Variants in EYA1 observed in about 807,000 individuals in gnomAD.
EYA1 encodes EYA transcriptional coactivator and phosphatase 1.
Under a neutral mutation model 82.0 loss-of-function variants are expected in EYA1, and 16 were observed. The observed-to-expected ratio is 0.20, with a 90% CI of 0.13 to 0.30. The LOEUF (loss-of-function observed/expected upper bound fraction) is 0.30, where lower values mean the gene tolerates loss of function less well. Among genes scored for constraint, EYA1 ranks in the 10% least tolerant of loss-of-function variants. The pLI is 1.00. For missense variants in EYA1, 633 were observed against 730.7 expected (o/e 0.87, Z 1.54); for synonymous variants, 261 against 264.4 (o/e 0.99, Z 0.12).
At chr8:71,367,826 G>C (rs1445409) in intron 2 of EYA1, among the ~76,000 whole-genome samples, 11,090 of 152,160 alleles carry the variant, frequency 0.073, 539 homozygotes, top group Middle Eastern at 0.16. Context: ...TATGGTGTGA[G>C]GGTTAAAAAG....
intron 12 of EYA1, among the ~76,000 whole-genome samples, chr8:71,243,541 T>C (rs1812735324): frequency 6.6e-6 from 1 of 152,312 alleles, no homozygotes; most frequent in East Asian, 1.9e-4. Context: ...AAATAAAGCA[T>C]ATTTAATAAC....
At chr8:71,242,671 T>C (rs1340407461) in intron 12 of EYA1, among the ~76,000 whole-genome samples, 1 of 152,124 alleles carries the variant, frequency 6.6e-6, no homozygotes, top group African/African-American at 2.4e-5. Flanking sequence ...TACATTGAAA[T>C]TGAGTTTGGA....
intron 2 of EYA1, among the ~76,000 whole-genome samples, chr8:71,381,749 C>T (rs957655728): frequency 3.3e-5 from 5 of 152,216 alleles, no homozygotes; most frequent in African/African-American, 1.2e-4. Flanking sequence ...CTTAGAGGGA[C>T]TGCAAAGAAA....
intron 7 of EYA1, among the ~76,000 whole-genome samples, chr8:71,308,719 G>GA (rs539957352): frequency 0.06 from 6,461 of 106,970 alleles, 262 homozygotes; most frequent in East Asian, 0.2. Context: ...TTTTTTTTAA[G>GA]AAAAAAAAAA....
chr8:71,457,609 T>C (rs1021362715), intron 2 of EYA1, among the ~76,000 whole-genome samples: 1 of 152,178 alleles, frequency 6.6e-6, no homozygotes, highest in East Asian at 1.9e-4. Flanking sequence ...ATGTCTTTTA[T>C]AGGGACATGG....
chr8:71,267,880 G>A (rs1816058172), intron 11 of EYA1, among the ~76,000 whole-genome samples: 1 of 152,184 alleles, frequency 6.6e-6, no homozygotes, highest in Non-Finnish European at 1.5e-5. Flanking sequence ...GACCTGGAAT[G>A]AGAAAACTAA....
chr8:71,204,081 T>C (rs895311634), intron 17 of EYA1: 1 of 152,212 alleles, frequency 6.6e-6, no homozygotes, highest in Non-Finnish European at 1.5e-5. Context: ...CAGCTGGAAC[T>C]GCAACATGCA....
chr8:71,416,624 T>C (rs1416515396), intron 2 of EYA1, among the ~76,000 whole-genome samples: 1 of 152,198 alleles, frequency 6.6e-6, no homozygotes, highest in African/African-American at 2.4e-5. Flanking sequence ...GTGATCCTCA[T>C]CCATTCCCAT....
chr8:71,502,742 C>A (rs921253056), intron 2 of EYA1, among the ~76,000 whole-genome samples: 1 of 152,192 alleles, frequency 6.6e-6, no homozygotes, highest in African/African-American at 2.4e-5. Flanking sequence ...CTCAAACAGG[C>A]ACCCAGTAAC....
intron 2 of EYA1, among the ~76,000 whole-genome samples, chr8:71,506,331 T>C (rs1259498211): frequency 1.3e-5 from 2 of 152,208 alleles, no homozygotes; most frequent in Non-Finnish European, 2.9e-5. Context: ...AGGCAAGTCT[T>C]TACAAGTATC....
chr8:71,227,824 AC>A (rs1374924862), intron 12 of EYA1, among the ~76,000 whole-genome samples: 1 of 152,196 alleles, frequency 6.6e-6, no homozygotes, highest in Non-Finnish European at 1.5e-5. Context: ...CTTGTAATTA[AC>A]CTTTTTAAAT....
At chr8:71,490,248 G>A (rs1355257046) in intron 2 of EYA1, among the ~76,000 whole-genome samples, 1 of 152,170 alleles carries the variant, frequency 6.6e-6, no homozygotes. Flanking sequence ...TAACTTTTGA[G>A]AAGATGGTTG....
chr8:71,492,717 G>A (rs1354728922), intron 2 of EYA1, among the ~76,000 whole-genome samples: 2 of 152,006 alleles, frequency 1.3e-5, no homozygotes, highest in East Asian at 1.9e-4. Flanking sequence ...CACCCTCCTC[G>A]ACCTCCCAAA....
chr8:71,398,423 G>T (rs1365050347), intron 2 of EYA1, among the ~76,000 whole-genome samples: 1 of 152,148 alleles, frequency 6.6e-6, no homozygotes, highest in Non-Finnish European at 1.5e-5. Context: ...TCCCACCTTT[G>T]TGGTTTTATC....
intron 4 of EYA1, among the ~76,000 whole-genome samples, chr8:71,331,245 TACACACACACACACACACACACAC>T (rs147776263): frequency 2.2e-5 from 3 of 136,546 alleles, no homozygotes; most frequent in East Asian, 4.1e-4. Flanking sequence ...AATAAATAAA[TACACACACACACACACACACACAC>T]ACACACACAC....
intron 2 of EYA1, among the ~76,000 whole-genome samples, chr8:71,394,500 T>C (rs1829468965): frequency 6.6e-6 from 1 of 152,188 alleles, no homozygotes; most frequent in East Asian, 1.9e-4. Context: ...AGTTTCAGCT[T>C]TCTACATAGG....
At chr8:71,439,964 C>A (rs991674153) in intron 2 of EYA1, among the ~76,000 whole-genome samples, 1 of 152,118 alleles carries the variant, frequency 6.6e-6, no homozygotes, top group Non-Finnish European at 1.5e-5. Flanking sequence ...TAGCTATTAA[C>A]TAACACCTAT....
At chr8:71,436,296 A>C (rs1806003069) in intron 2 of EYA1, among the ~76,000 whole-genome samples, 1 of 147,058 alleles carries the variant, frequency 6.8e-6, no homozygotes, top group South Asian at 2.2e-4. Context: ...AAGTAAAACT[A>C]AAAAAGAATT....
intron 3 of EYA1, among the ~76,000 whole-genome samples, chr8:71,339,338 A>C (rs772585035): frequency 5.3e-5 from 8 of 152,040 alleles, no homozygotes; most frequent in Non-Finnish European, 1.0e-4. Flanking sequence ...CTCATTGTTC[A>C]CTGTTCTGCT....
Sources: allele counts gnomAD v4.1 joint callset (sites outside exome capture counted in the v4.1 genomes callset), GRCh38; gene constraint gnomAD v4.1.1; transcripts MANE v1.5; gene names NCBI Gene and HGNC (gene_info 2026-07-23, HGNC 2026-07-21).